LRCH1: variants seen among roughly 807,000 people sequenced by gnomAD.
The protein encoded by LRCH1 is leucine-rich repeat and calponin homology domain-containing protein 1.
In LRCH1, 23 loss-of-function variants were observed where a neutral mutation model predicts 94.9. The observed-to-expected ratio is 0.24, with a 90% confidence interval of 0.17 to 0.34. LRCH1 has a LOEUF of 0.34. LRCH1 is among the 10% of genes least tolerant of loss of function. LRCH1 has a pLI of 1.00. For missense variants in LRCH1, 790 were observed against 945.9 expected (o/e 0.84, Z 2.16); for synonymous variants, 364 against 354.9 (o/e 1.03, Z -0.29).
At chr13:46,659,582 A>G (rs866083025) in intron 2 of LRCH1, among the ~76,000 whole-genome samples, 1 of 152,182 alleles carries the variant, frequency 6.6e-6, no homozygotes, top group Non-Finnish European at 1.5e-5. Context: ...AAAACCAAAA[A>G]GAACGAAAAG....
At chr13:46,704,967 CT>C (rs1323660433) in intron 11 of LRCH1, 100 bp from the exon 12 acceptor site, 3 of 622,288 alleles carry the variant, frequency 4.8e-6, no homozygotes, top group Non-Finnish European at 8.0e-6. Context: ...ATAAACATAA[CT>C]TTTTAGTAAA....
chr13:46,655,098 G>A (rs1332132609), intron 2 of LRCH1, among the ~76,000 whole-genome samples: 2 of 152,152 alleles, frequency 1.3e-5, no homozygotes, highest in East Asian at 3.8e-4. Context: ...TATTTCAGCT[G>A]AGTAAACAGC....
intron 1 of LRCH1, among the ~76,000 whole-genome samples, chr13:46,637,744 G>A (rs1467604): frequency 0.79 from 119,734 of 151,610 alleles, 47,391 homozygotes; most frequent in East Asian, 0.91. Context: ...TCTTTCTAGC[G>A]CTTACCACCC....
chr13:46,729,225 A>G (rs886525723), intron 18 of LRCH1, among the ~76,000 whole-genome samples: 1 of 152,172 alleles, frequency 6.6e-6, no homozygotes, highest in African/African-American at 2.4e-5. Flanking sequence ...TTTTATTTCA[A>G]TATCAAGCAG....
chr13:46,736,986 G>A (rs1873416943), intron 19 of LRCH1, among the ~76,000 whole-genome samples: 1 of 152,178 alleles, frequency 6.6e-6, no homozygotes, highest in Non-Finnish European at 1.5e-5. Context: ...TAGCTAAGCA[G>A]ATTTAGTTAA....
At chr13:46,698,676 T>A (rs1871316937) in intron 9 of LRCH1, among the ~76,000 whole-genome samples, 1 of 152,140 alleles carries the variant, frequency 6.6e-6, no homozygotes, top group Admixed American at 6.5e-5. Flanking sequence ...AGGAGAGGGA[T>A]CTCTCAATAC....
In LRCH1 at chr13:46,711,222, C is replaced by T. The variant is rs116417471; in HGVS notation, c.1528-569C>T. Among the ~76,000 whole-genome samples the T allele has an allele frequency of 1.3e-3, 195 of 152,278 alleles. 2 individuals are homozygous for T. The highest frequency in any genetic ancestry group is 4.2e-3 in the African/African-American group (176 of 41,554). ...CTACCCAGTCATTCCTGCTGGAAAT[C>T]GGGATGTCATCTTGACTTTTCTCCA... On this transcript the variant is annotated intron_variant, in intron 13 of 19. Coordinates refer to ENST00000389797, the MANE Select transcript of LRCH1 (RefSeq NM_001164211.2).
intron 18 of LRCH1, among the ~76,000 whole-genome samples, chr13:46,729,805 C>G (rs1873011575): frequency 6.6e-6 from 1 of 152,140 alleles, no homozygotes; most frequent in Admixed American, 6.5e-5. Context: ...TATGAATAAC[C>G]TGTCAAGGGG....
intron 15 of LRCH1, 108 bp downstream of exon 15, chr13:46,712,705 G>C: frequency 1.9e-6 from 2 of 1,028,084 alleles, no homozygotes; most frequent in Middle Eastern, 2.1e-4. Flanking sequence ...GTTCTGCTGA[G>C]CCGAAATCCT....
At chr13:46,560,512 G>A (rs2050118775) in intron 1 of LRCH1, among the ~76,000 whole-genome samples, 1 of 152,162 alleles carries the variant, frequency 6.6e-6, no homozygotes, top group African/African-American at 2.4e-5. Flanking sequence ...GTTAATTGCA[G>A]TGATTATTTC....
intron 10 of LRCH1, among the ~76,000 whole-genome samples, chr13:46,700,648 A>G (rs938393252): frequency 6.6e-6 from 1 of 152,192 alleles, no homozygotes; most frequent in Non-Finnish European, 1.5e-5. Flanking sequence ...AGCTCCACAG[A>G]TGATTTTGCT....
chr13:46,644,094 A>C (rs1369047727), intron 1 of LRCH1, among the ~76,000 whole-genome samples: 1 of 152,080 alleles, frequency 6.6e-6, no homozygotes, highest in Non-Finnish European at 1.5e-5. Flanking sequence ...GGGGAGCTTT[A>C]TCCATCGTTA....
At chr13:46,599,043 T>A (rs1458630680) in intron 1 of LRCH1, among the ~76,000 whole-genome samples, 1 of 152,198 alleles carries the variant, frequency 6.6e-6, no homozygotes, top group Non-Finnish European at 1.5e-5. Context: ...TCCATCTCTA[T>A]GAATTTGACT....
exon 19 of LRCH1, chr13:46,751,013 T>TC (rs1432658218): frequency 2.5e-5 from 4 of 159,570 alleles, no homozygotes; most frequent in African/African-American, 9.6e-5. Context: ...AAAACCAAAC[T>TC]CGTTATGTAT....
chr13:46,583,846 C>T (rs190302202), intron 1 of LRCH1, among the ~76,000 whole-genome samples: 16 of 151,818 alleles, frequency 1.1e-4, no homozygotes, highest in Admixed American at 8.5e-4. Flanking sequence ...CTGCAACCTC[C>T]GCCTCTCAGG....
intron 1 of LRCH1, among the ~76,000 whole-genome samples, chr13:46,596,715 T>C (rs2050567774): frequency 6.6e-6 from 1 of 152,156 alleles, no homozygotes; most frequent in Non-Finnish European, 1.5e-5. Flanking sequence ...AATCCCGTCA[T>C]GGGTAGAGGA....
intron 1 of LRCH1, among the ~76,000 whole-genome samples, chr13:46,584,428 G>A (rs1421154390): frequency 6.6e-6 from 1 of 152,258 alleles, no homozygotes; most frequent in South Asian, 2.1e-4. Flanking sequence ...ACAAGATTTC[G>A]GGTGATCTGT....
intron 8 of LRCH1, among the ~76,000 whole-genome samples, chr13:46,693,817 C>T (rs932695394): frequency 6.6e-6 from 1 of 152,150 alleles, no homozygotes; most frequent in Non-Finnish European, 1.5e-5. Flanking sequence ...TTTAGTTTTA[C>T]TCATTTGTGG....
At chr13:46,748,222 T>C (rs1350793464), downstream of LRCH1, among the ~76,000 whole-genome samples, 1 of 152,200 alleles carries the variant, frequency 6.6e-6, no homozygotes, top group South Asian at 2.1e-4. Flanking sequence ...CCCATCCATT[T>C]ATCAGAAAAA....
Sources: allele counts gnomAD v4.1 joint callset (sites outside exome capture counted in the v4.1 genomes callset), GRCh38; gene constraint gnomAD v4.1.1; transcripts MANE v1.5; gene names NCBI Gene and HGNC (gene_info 2026-07-23, HGNC 2026-07-21).